The following TFDP2 variants were observed in gnomAD, a reference collection of about 807,000 sequenced individuals.
The protein encoded by TFDP2 is transcription factor Dp-2 (E2F dimerization partner 2).
In TFDP2, 17 loss-of-function variants were observed where a neutral mutation model predicts 59.3. The observed-to-expected ratio is 0.29, with a 90% CI of 0.20 to 0.43. The LOEUF (loss-of-function observed/expected upper bound fraction) is 0.43. TFDP2 is among the 20% of genes least tolerant of loss of function. The probability of loss-of-function intolerance (pLI) is 1.00; values close to 1 mark genes in which losing one functional copy is unlikely to be tolerated. For missense variants in TFDP2, 391 were observed against 528.8 expected, an observed-to-expected ratio of 0.74 and a Z score of 2.56; for synonymous variants, 180 against 194.7, an observed-to-expected ratio of 0.92 and a Z score of 0.63.
At chr3:142,054,081 T>A (rs2059659145) in intron 3 of TFDP2, 9 of 152,248 alleles carry the variant, frequency 5.9e-5, no homozygotes, top group Admixed American at 5.9e-4. Flanking sequence ...GAAACATGTT[T>A]GGTAATTGCT....
At chr3:142,117,695 G>C (rs1391053956) in intron 1 of TFDP2, among the ~76,000 whole-genome samples, 1 of 152,180 alleles carries the variant, frequency 6.6e-6, no homozygotes, top group Non-Finnish European at 1.5e-5. Flanking sequence ...TGGACCAGAA[G>C]CAGCAGCCTC....
At chr3:141,996,137 G>C (rs572544982) in intron 4 of TFDP2, among the ~76,000 whole-genome samples, 2 of 151,942 alleles carry the variant, frequency 1.3e-5, no homozygotes, top group Non-Finnish European at 2.9e-5. Context: ...TTTTTAGAAA[G>C]GTACCTTATA....
chr3:142,088,445 C>T (rs563783940), intron 3 of TFDP2, among the ~76,000 whole-genome samples: 7 of 151,628 alleles, frequency 4.6e-5, no homozygotes, highest in Non-Finnish European at 7.4e-5. Context: ...ATTCTTGTGT[C>T]TCTGCCACCC....
chr3:141,972,111 C>T (rs1263328566), intron 8 of TFDP2, among the ~76,000 whole-genome samples: 3 of 152,196 alleles, frequency 2.0e-5, no homozygotes, highest in Admixed American at 6.5e-5. Context: ...CTATCCACCA[C>T]GTTTTACTTT....
At chr3:141,973,123 A>T (rs200851059) in intron 8 of TFDP2, among the ~76,000 whole-genome samples, 7,910 of 57,546 alleles carry the variant, frequency 0.14, 379 homozygotes, top group South Asian at 0.18. Flanking sequence ...ATATATATAT[A>T]TTTTTTTTTT....
chr3:142,100,667 C>T (rs1234746962), intron 2 of TFDP2, among the ~76,000 whole-genome samples: 4 of 152,146 alleles, frequency 2.6e-5, no homozygotes, highest in Non-Finnish European at 4.4e-5. Context: ...GCCACCATGC[C>T]TGGCCTGCCT....
chr3:142,018,268 T>C (rs1439297878), intron 3 of TFDP2, among the ~76,000 whole-genome samples: 1 of 152,106 alleles, frequency 6.6e-6, no homozygotes, highest in Non-Finnish European at 1.5e-5. Flanking sequence ...ATTAGCTACA[T>C]AGTATTCCCT....
At position 141,970,114 on chromosome 3, in the gene TFDP2, T is replaced by A. The variant is rs1032017296; in HGVS notation, c.691A>T (p.Ile231Leu). Residue 231 changes from isoleucine (I) to leucine (L), a missense_variant, in exon 9 of 13, where the codon ATA becomes TTA. Transcript: ENST00000489671. ...TGCAGCTGGGCCCGCTTCTGCTTTA[T>A]CCGTTCTATCCGCCTCTGCTTCTCT... ...EIEKQRRIERIKQKRAQLQEL... is the reference protein window; with the variant it reads ...EIEKQRRIERLKQKRAQLQEL... 5 of 1,614,204 alleles carry A rather than the reference T, an allele frequency of 3.1e-6. No homozygotes were observed. The highest frequency in any genetic ancestry group is 4.2e-6 in the Non-Finnish European group (5 of 1,180,020).
At chr3:142,010,415 C>T (rs1214237622) in intron 3 of TFDP2, among the ~76,000 whole-genome samples, 1 of 152,072 alleles carries the variant, frequency 6.6e-6, no homozygotes, top group African/African-American at 2.4e-5. Flanking sequence ...TCGACACCAG[C>T]TTGGCCAACA....
chr3:142,076,023 C>A (rs2060442589), intron 3 of TFDP2, among the ~76,000 whole-genome samples: 1 of 151,638 alleles, frequency 6.6e-6, no homozygotes, highest in African/African-American at 2.4e-5. Context: ...CCAGCCTGGC[C>A]AACATGGTGA....
intron 6 of TFDP2, among the ~76,000 whole-genome samples, chr3:141,988,585 G>A (rs1942390631): frequency 6.6e-6 from 1 of 151,520 alleles, no homozygotes. Context: ...ACACTAGACT[G>A]CTGCCAAGTT....
chr3:141,955,420 T>C (rs1282705371), intron 11 of TFDP2, among the ~76,000 whole-genome samples: 1 of 152,218 alleles, frequency 6.6e-6, no homozygotes, highest in Non-Finnish European at 1.5e-5. Flanking sequence ...GGTGATTTAT[T>C]GAGTAAGCCC....
At position 141,952,406 on chromosome 3, in the gene TFDP2, C is replaced by T; in HGVS notation, c.*107G>A. ...GTGTTTCTCTAGTTTTCACTGAACA[C>T]ACAGTGCAAACAAAGGCAAAGACTG... On this transcript the variant is annotated 3_prime_UTR_variant, in exon 13 of 13. Coordinates refer to ENST00000489671, the MANE Select transcript of TFDP2 (RefSeq NM_001178139.2). 9.3e-7 allele frequency: 1 copy of T among 1,073,504 alleles called. No homozygotes were observed. Among genetic ancestry groups the T allele is most frequent in the South Asian group, 1.9e-5 (1 of 51,908 alleles). 66.5% of individuals were successfully genotyped at this position (1,073,504 alleles called of 1,614,324 possible).
At chr3:142,033,469 T>A (rs767383424) in intron 3 of TFDP2, among the ~76,000 whole-genome samples, 1 of 152,176 alleles carries the variant, frequency 6.6e-6, no homozygotes, top group Admixed American at 6.5e-5. Flanking sequence ...AAAACCCCTA[T>A]GCATGCTTTA....
chr3:142,149,275 C>A lies in TFDP2; in HGVS notation c.-185G>T, dbSNP rs925273759. 2.5e-6 allele frequency: 1 copy of A among 396,526 alleles called. No homozygotes were observed. The highest frequency in any genetic ancestry group is 3.6e-5 in the East Asian group (1 of 27,976). 24.6% of individuals were successfully genotyped at this position (396,526 alleles called of 1,614,324 possible). A position where few individuals can be genotyped will look rare whatever the true frequency, so the allele number is the denominator to read the frequency against. ...GGCGCCGCCGCTTCTGTGGCGCCCG[C>A]GCTTAGGCGGCGGCCGGGTCCCGGT... is the stretch of plus-strand genomic sequence containing the variant. On this transcript the variant is annotated 5_prime_UTR_variant, in exon 1 of 13. Coordinates refer to ENST00000489671, the MANE Select transcript of TFDP2 (RefSeq NM_001178139.2).
At chr3:142,077,506 G>C (rs2060500468) in intron 3 of TFDP2, among the ~76,000 whole-genome samples, 1 of 151,978 alleles carries the variant, frequency 6.6e-6, no homozygotes, top group Non-Finnish European at 1.5e-5. Context: ...AGTAGAATAG[G>C]GCACCTGGCA....
rs753702830 is a variant in TFDP2, at chr3:141,974,907, CTTTTTTTTTTTT to C, written c.520-728_520-717del. Among the ~76,000 whole-genome samples, 8 of 90,484 alleles carry C rather than the reference CTTTTTTTTTTTT, an allele frequency of 8.8e-5. No individual in the cohort carries two copies. The East Asian group carries it at 1.9e-3, about 22-fold the overall frequency. The allele number at this position is 90,484 out of a possible 152,430, so 59.4% of individuals were successfully genotyped here. ...TCAGCTGACCATTTTTCTTCTTCTT[CTTTTTTTTTTTT>C]TTTTTTTTTTTTGAGACAGTGTCTC... On this transcript the variant is annotated intron_variant, in intron 7 of 12. Coordinates refer to ENST00000489671, the MANE Select transcript of TFDP2 (RefSeq NM_001178139.2).
chr3:142,001,547 C>T (rs887271618), intron 4 of TFDP2, among the ~76,000 whole-genome samples: 1 of 152,152 alleles, frequency 6.6e-6, no homozygotes, highest in African/African-American at 2.4e-5. Context: ...TCCACCCATG[C>T]ACGCTAATCT....
At chr3:142,055,196 A>G (rs1046894355) in intron 3 of TFDP2, among the ~76,000 whole-genome samples, 1 of 152,258 alleles carries the variant, frequency 6.6e-6, no homozygotes, top group African/African-American at 2.4e-5. Flanking sequence ...ATTTTAGATT[A>G]TCATAAAACA....
Sources: gnomAD v4.1 joint callset for allele counts (sites outside exome capture counted in the v4.1 genomes callset) on GRCh38, gnomAD v4.1.1 for gene constraint, MANE v1.5 for transcripts, NCBI Gene and HGNC (gene_info 2026-07-23, HGNC 2026-07-21) for gene names.